Variants in ZIC1 observed in about 807,000 individuals in gnomAD.
The protein encoded by ZIC1 is zinc finger protein ZIC 1.
Under a neutral mutation model 30.9 loss-of-function variants are expected in ZIC1, and 4 were observed. The ratio of observed to expected loss-of-function variants is 0.13; its 90% CI spans 0.06 to 0.30. ZIC1 has a LOEUF of 0.30. Ranked by LOEUF, ZIC1 falls within the 10% of genes least tolerant of loss-of-function variation. ZIC1 has a pLI of 1.00. For synonymous variants in ZIC1, 305 were observed against 277.5 expected, an observed-to-expected ratio of 1.10 and a Z score of -0.98; for missense variants, 441 against 639.3, an observed-to-expected ratio of 0.69 and a Z score of 3.34.
At chr3:147,411,182 GC>G (rs1406006330) in intron 1 of ZIC1, 88 bp downstream of exon 1, 7 of 1,510,318 alleles carry the variant, frequency 4.6e-6, no homozygotes, top group Non-Finnish European at 6.2e-6. Flanking sequence ...CACAAACGCA[GC>G]CTCGGTGGGA....
At chr3:147,413,296 C>T in intron 2 of ZIC1, 58 bp from the exon 3 acceptor site, 1 of 1,566,860 alleles carries the variant, frequency 6.4e-7, no homozygotes, top group Non-Finnish European at 8.7e-7. Context: ...CTTCGCCTCT[C>T]TAGTCGGCCG....
At chr3:147,412,376 C>T in intron 1 of ZIC1, 142 bp from the exon 2 acceptor site, 2 of 860,284 alleles carry the variant, frequency 2.3e-6, no homozygotes, top group Non-Finnish European at 1.8e-6. Flanking sequence ...AATTTATTGA[C>T]GTTCCGGGTT....
chr3:147,411,152 G>A, intron 1 of ZIC1, 58 bp downstream of exon 1: 2 of 1,544,642 alleles, frequency 1.3e-6, no homozygotes, highest in Admixed American at 2.0e-5. Context: ...GACCCAAACC[G>A]AAAGTCAGCG....
In ZIC1 at chr3:147,410,733, T is replaced by A; in HGVS notation, c.621T>A (p.His207Gln). ...YGPMNVNMAAHHGAGAFFRYM... is the reference protein window; with the variant it reads ...YGPMNVNMAAQHGAGAFFRYM... ...CCATGAACGTGAACATGGCCGCGCA[T>A]CACGGCGCCGGCGCCTTCTTCCGCT... The change falls in exon 1 of 3, where the codon CAT becomes CAA. Residue 207 changes from histidine to glutamine, a missense_variant. By Grantham distance (24) the His-to-Gln change is conservative (BLOSUM62 0). Around this residue, in one of 5 missense-constraint regions of ZIC1, gnomAD observed 307 missense variants for 355.3 expected, o/e 0.86. Transcript: ENST00000282928. 1 of 1,614,016 alleles carries A rather than the reference T, an allele frequency of 6.2e-7. No individual in the cohort carries two copies. Among genetic ancestry groups the A allele is most frequent in the Non-Finnish European group, 8.5e-7 (1 of 1,179,962 alleles).
intron 1 of ZIC1, 75 bp downstream of exon 1, chr3:147,411,169 T>C: frequency 6.5e-7 from 1 of 1,533,164 alleles, no homozygotes; most frequent in East Asian, 2.3e-5. Context: ...AGCGGCCAGG[T>C]CGCACAAACG....
chr3:147,413,468 T>C lies in ZIC1; in HGVS notation c.1261T>C (p.Ser421Pro), dbSNP rs372646946. Reference sequence around the variant, plus strand: ...CTCCACAGACAACCCGACCACAAGCTCCTTATCGCCCTCCTCCTCCGCAGT... The same window carrying C: ...CTCCACAGACAACCCGACCACAAGCCCCTTATCGCCCTCCTCCTCCGCAGT... ...SPSTDNPTTS[S>P]LSPSSSAVHH... The change falls in exon 3 of 3, where the codon TCC becomes CCC. Residue 421 changes from serine to proline, a missense_variant. This residue lies in a region of ZIC1 where 56 missense variants were observed against 52.5 expected (regional missense o/e 1.07). Coordinates refer to ENST00000282928, the MANE Select transcript of ZIC1 (RefSeq NM_003412.4). 8 of 1,613,828 alleles carry C rather than the reference T, an allele frequency of 5.0e-6. No individual in the cohort carries two copies. The highest frequency in any genetic ancestry group is 1.3e-5 in the African/African-American group (1 of 74,808).
intron 1 of ZIC1, 86 bp downstream of exon 1, chr3:147,411,180 C>T: frequency 6.6e-7 from 1 of 1,520,312 alleles, no homozygotes; most frequent in Non-Finnish European, 8.8e-7. Context: ...CGCACAAACG[C>T]AGCCTCGGTG....
At position 147,415,944 on chromosome 3, in the gene ZIC1, G is replaced by A. The variant is rs1047456248; in HGVS notation, c.*2393G>A. 3.3e-5 allele frequency: 5 copies of A among 152,110 alleles called. No homozygotes were observed. The highest frequency in any genetic ancestry group is 1.3e-4 in the Admixed American group (2 of 15,286). 9.4% of individuals were successfully genotyped at this position (152,110 alleles called of 1,614,324 possible). On this transcript the variant is annotated 3_prime_UTR_variant, in exon 3 of 3. Coordinates refer to ENST00000282928, the MANE Select transcript of ZIC1 (RefSeq NM_003412.4). ...ACTTACTGTACCACATCAAACACTG[G>A]GGAGGGTGGTGTTTAACTTTTTAAA...
In ZIC1 at chr3:147,413,511, A is replaced by G. The variant is rs376430980; in HGVS notation, c.1304A>G (p.His435Arg). ...TCCGCAGTCCACCACACAGCCGGCCACAGTGCGCTCTCTTCCAATTTTAAC... is the reference window on the plus strand; with the variant it reads ...TCCGCAGTCCACCACACAGCCGGCCGCAGTGCGCTCTCTTCCAATTTTAAC... ...SSSAVHHTAG[H>R]SALSSNFNEW... The change falls in exon 3 of 3, where the codon CAC becomes CGC. Residue 435 changes from histidine (H) to arginine (R), a missense_variant. This residue lies in a region of ZIC1 where 56 missense variants were observed against 52.5 expected (regional missense o/e 1.07). Transcript: ENST00000282928. The G allele has an allele frequency of 5.0e-6, 8 of 1,614,146 alleles. No homozygotes were observed. The highest frequency in any genetic ancestry group is 5.9e-6 in the Non-Finnish European group (7 of 1,180,014).
At position 147,410,076 on chromosome 3, in the gene ZIC1, G is replaced by A; in HGVS notation, c.-37G>A. On this transcript the variant is annotated 5_prime_UTR_variant, in exon 1 of 3. Coordinates refer to ENST00000282928, the MANE Select transcript of ZIC1 (RefSeq NM_003412.4). ...CCTCCTCGGCTGGCGAGGGTGGGGG[G>A]GGCGGGGGAGGCCGGGGCTCGCCCC... 1.7e-5 allele frequency: 25 copies of A among 1,437,446 alleles called. No individual in the cohort carries two copies. The highest frequency in any genetic ancestry group is 2.2e-5 in the Non-Finnish European group (24 of 1,103,134). 89.0% of individuals were successfully genotyped at this position (1,437,446 alleles called of 1,614,324 possible).
chr3:147,409,817 A>T lies in ZIC1; in HGVS notation c.-296A>T. On this transcript the variant is annotated 5_prime_UTR_variant, in exon 1 of 3. An upstream open reading frame in the 5' UTR loses its in-frame stop. Transcript: ENST00000282928. ...CGCGCGGCCCTCTCGGCAGAGACTG[A>T]GCGGCGAGAAAGTGCGAGCCGGGCC... is the stretch of plus-strand genomic sequence containing the variant. The T allele has an allele frequency of 2.3e-6, 1 of 441,366 alleles. No individual in the cohort carries two copies. Among genetic ancestry groups the T allele is most frequent in the Non-Finnish European group, 4.0e-6 (1 of 250,332 alleles). 27.3% of individuals were successfully genotyped at this position (441,366 alleles called of 1,614,324 possible).
At chr3:147,411,397 C>T (rs1576469997) in intron 1 of ZIC1, among the ~76,000 whole-genome samples, 1 of 152,102 alleles carries the variant, frequency 6.6e-6, no homozygotes, top group South Asian at 2.1e-4. Flanking sequence ...CTTTCGAAGC[C>T]GGAGAAAGTG....
At position 147,414,636 on chromosome 3, in the gene ZIC1, A is replaced by G. The variant is rs2087417959; in HGVS notation, c.*1085A>G. 1 of 152,668 alleles carries G rather than the reference A, an allele frequency of 6.6e-6. No homozygotes were observed. The highest frequency in any genetic ancestry group is 6.5e-5 in the Admixed American group (1 of 15,284). The allele number at this position is 152,668 out of a possible 1,614,324, so 9.5% of individuals were successfully genotyped here. On this transcript the variant is annotated 3_prime_UTR_variant, in exon 3 of 3. Transcript: ENST00000282928. ...CTTCTGCCAGTCTTAAAGGGTCTCC[A>G]GAAAAGCTCTCCAGTCTCCCTTGCC...
intron 1 of ZIC1, among the ~76,000 whole-genome samples, chr3:147,411,959 A>G (rs1250943476): frequency 1.3e-5 from 2 of 152,096 alleles, no homozygotes; most frequent in East Asian, 1.9e-4. Flanking sequence ...GTGAGATCTG[A>G]GAACCATGCT....
Position 147,414,284 on chromosome 3 carries a change from G to A in ZIC1, c.*733G>A, listed in dbSNP as rs1329786196. 2 of 152,416 alleles carry A rather than the reference G, an allele frequency of 1.3e-5. No homozygotes were observed. Among genetic ancestry groups the A allele is most frequent in the African/African-American group, 4.8e-5 (2 of 41,358 alleles). 9.4% of individuals were successfully genotyped at this position (152,416 alleles called of 1,614,324 possible). On this transcript the variant is annotated 3_prime_UTR_variant, in exon 3 of 3. Coordinates refer to ENST00000282928, the MANE Select transcript of ZIC1 (RefSeq NM_003412.4). ...TTGTTTCATGTCCTGTCAAGAATTC[G>A]TATAGTACGAGCCTGGATCTGCGTG...
chr3:147,412,216 AGCT>A (rs2087387517), intron 1 of ZIC1, among the ~76,000 whole-genome samples: 1 of 152,208 alleles, frequency 6.6e-6, no homozygotes, highest in South Asian at 2.1e-4. Context: ...AATCGTGTGT[AGCT>A]CTGGGTAATA....
rs765672033 is a variant in ZIC1, at chr3:147,410,883, C to G, written c.771C>G (p.Thr257=). 1 of 1,614,260 alleles carries G rather than the reference C, an allele frequency of 6.2e-7. No individual in the cohort carries two copies. Among genetic ancestry groups the G allele is most frequent in the Non-Finnish European group, 8.5e-7 (1 of 1,180,040 alleles). ...STMHELVTHV[T]VEHVGGPEQS... Reference sequence around the variant, plus strand: ...TGCACGAGCTAGTTACGCACGTCACCGTGGAGCACGTAGGTGGCCCGGAGC... The same window carrying G: ...TGCACGAGCTAGTTACGCACGTCACGGTGGAGCACGTAGGTGGCCCGGAGC... Residue 257 remains threonine (T), a synonymous_variant, in exon 1 of 3, where the codon ACC becomes ACG. Transcript: ENST00000282928.
At position 147,410,023 on chromosome 3, in the gene ZIC1, C is replaced by G; in HGVS notation, c.-90C>G. On this transcript the variant is annotated 5_prime_UTR_variant, in exon 1 of 3. Transcript: ENST00000282928. ...TCTTCTTCCTCCTCTTCCTCCTCCTCTTGTTCCTCCTCCTCCTCCCGATTT... is the reference window on the plus strand; with the variant it reads ...TCTTCTTCCTCCTCTTCCTCCTCCTGTTGTTCCTCCTCCTCCTCCCGATTT... 1 of 1,333,822 alleles carries G rather than the reference C, an allele frequency of 7.5e-7. No homozygotes were observed. Among genetic ancestry groups the G allele is most frequent in the Non-Finnish European group, 9.8e-7 (1 of 1,024,370 alleles). 82.6% of individuals were successfully genotyped at this position (1,333,822 alleles called of 1,614,324 possible). A position where few individuals can be genotyped will look rare whatever the true frequency, so the allele number is the denominator to read the frequency against.
In ZIC1 at chr3:147,414,430, T is replaced by C. The variant is rs779517803; in HGVS notation, c.*879T>C. The C allele has an allele frequency of 6.5e-6, 1 of 152,680 alleles. No homozygotes were observed. The highest frequency in any genetic ancestry group is 1.5e-5 in the Non-Finnish European group (1 of 68,054). The allele number at this position is 152,680 out of a possible 1,614,324, so 9.5% of individuals were successfully genotyped here. A position where few individuals can be genotyped will look rare whatever the true frequency, so the allele number is the denominator to read the frequency against. ...ATATAATTCCTAGTTTCCATATTTA[T>C]CCGCATGTAAAGGGCCGGTTTATCC... On this transcript the variant is annotated 3_prime_UTR_variant, in exon 3 of 3. Transcript: ENST00000282928.
Sources: allele counts gnomAD v4.1 joint callset (sites outside exome capture counted in the v4.1 genomes callset), GRCh38; gene constraint gnomAD v4.1.1; regional missense constraint gnomAD v4.1.1; transcripts MANE v1.5; gene names NCBI Gene and HGNC (gene_info 2026-07-23, HGNC 2026-07-21).